The following SIPA1L3 variants were observed in gnomAD, a reference collection of about 807,000 sequenced individuals.
SIPA1L3 encodes the protein signal-induced proliferation-associated 1-like protein 3.
SIPA1L3 carries 59 observed loss-of-function variants against 150.1 expected under a neutral mutation model. That is an observed-to-expected ratio of 0.39 (90% CI 0.32 to 0.49). The LOEUF (loss-of-function observed/expected upper bound fraction) is 0.49. SIPA1L3 is among the 20% of genes least tolerant of loss of function. The pLI is 0.86. For synonymous variants in SIPA1L3, 1,070 were observed against 1,077.6 expected, an observed-to-expected ratio of 0.99 and a Z score of 0.14; for missense variants, 2,211 against 2,489.5, an observed-to-expected ratio of 0.89 and a Z score of 2.38.
Position 38,101,041 on chromosome 19 carries a change from T to G in SIPA1L3, c.1855-11T>G. ...TGGCCTGCCTCCACAAAGCCACTCT[T>G]GCCTCTGCAGCTCTGCCGGAAGCAC... On this transcript the variant is annotated splice_polypyrimidine_tract_variant and intron_variant, in intron 5 of 21. Transcript: ENST00000222345. 6.5e-7 allele frequency: 1 copy of G among 1,535,794 alleles called. No individual in the cohort carries two copies. Among genetic ancestry groups the G allele is most frequent in the Non-Finnish European group, 8.8e-7 (1 of 1,139,624 alleles).
At chr19:38,151,470 C>A (rs1322741943) in intron 12 of SIPA1L3, among the ~76,000 whole-genome samples, 18 of 152,134 alleles carry the variant, frequency 1.2e-4, no homozygotes, top group Admixed American at 1.2e-3. Flanking sequence ...CTGCCACCTG[C>A]TTGGAAGTGG....
chr19:37,934,702 C>T (rs923044472), intron 1 of SIPA1L3, among the ~76,000 whole-genome samples: 9 of 148,006 alleles, frequency 6.1e-5, no homozygotes, highest in African/African-American at 2.2e-4. Context: ...AGCATCCTCC[C>T]GCAATCCTTC....
Position 37,915,170 on chromosome 19 carries a change from C to T in SIPA1L3, c.-379+7812C>T, listed in dbSNP as rs189217771. On this transcript the variant is annotated intron_variant, in intron 1 of 21. Transcript: ENST00000222345. ...CATCATTTTTGCTCTCAATGAGACA[C>T]GATAGGGATGGTTTGGTGGTGGTTT... Among the ~76,000 whole-genome samples, 6 of 152,176 alleles carry T rather than the reference C, an allele frequency of 3.9e-5. No homozygotes were observed. The East Asian group carries it at 7.7e-4, about 20-fold the overall frequency.
chr19:38,194,777 G>A lies in SIPA1L3; in HGVS notation c.4840+997G>A, dbSNP rs564092585. Among the ~76,000 whole-genome samples the A allele has an allele frequency of 1.1e-4, 17 of 152,306 alleles. No individual in the cohort carries two copies. The South Asian group carries it at 2.3e-3, about 20-fold the overall frequency. On this transcript the variant is annotated intron_variant, in intron 18 of 21. Coordinates refer to ENST00000222345, the MANE Select transcript of SIPA1L3 (RefSeq NM_015073.3). ...ATTAAAACTCCCCTGCAGGCCGGGC[G>A]CGGTGGCTCACGCCTGTAATCCCAG...
chr19:37,917,825 C>G (rs1230211502), intron 1 of SIPA1L3, among the ~76,000 whole-genome samples: 1 of 151,964 alleles, frequency 6.6e-6, no homozygotes, highest in African/African-American at 2.4e-5. Context: ...GACAACAAAG[C>G]AAGACTCCAC....
intron 2 of SIPA1L3, among the ~76,000 whole-genome samples, chr19:38,069,328 C>G (rs1269701393): frequency 1.3e-5 from 2 of 152,144 alleles, no homozygotes; most frequent in Admixed American, 6.5e-5. Flanking sequence ...CCCTTCATAC[C>G]TATAACTGCC....
chr19:38,192,069 C>A, intron 16 of SIPA1L3, 76 bp from the exon 17 acceptor site: 1 of 1,412,696 alleles, frequency 7.1e-7, no homozygotes, highest in Non-Finnish European at 9.6e-7. Context: ...GTGGCCGGCC[C>A]TCTTGAATCC....
chr19:38,071,202 TATCTATC>T (rs1969709435), intron 2 of SIPA1L3, among the ~76,000 whole-genome samples: 1 of 6,750 alleles, frequency 1.5e-4, no homozygotes, highest in African/African-American at 6.8e-4. Flanking sequence ...TATGTTGTTT[TATCTATC>T]TATCTATCTA....
chr19:38,107,979 A>C (rs1260175001), intron 7 of SIPA1L3, among the ~76,000 whole-genome samples: 2 of 151,600 alleles, frequency 1.3e-5, no homozygotes, highest in African/African-American at 2.4e-5. Context: ...TCTGTCTCAA[A>C]AGAGAAAAAA....
intron 15 of SIPA1L3, among the ~76,000 whole-genome samples, chr19:38,169,793 CAGAG>C (rs1972286899): frequency 1.3e-5 from 2 of 152,196 alleles, no homozygotes; most frequent in South Asian, 4.1e-4. Flanking sequence ...CATTCCCAGA[CAGAG>C]ACAGCCCAGA....
chr19:38,106,490 AC>A (rs1426596542), intron 6 of SIPA1L3, 46 bp from the exon 7 acceptor site: 1 of 1,325,676 alleles, frequency 7.5e-7, no homozygotes, highest in Non-Finnish European at 1.1e-6. Flanking sequence ...TATGGCAAAA[AC>A]CCAGAGGTTT....
In SIPA1L3 at chr19:38,165,028, T is replaced by G. The variant is rs1396700710; in HGVS notation, c.4208+122T>G. 1.2e-5 allele frequency: 12 copies of G among 961,498 alleles called. No individual in the cohort carries two copies. In the East Asian group the frequency reaches 3.2e-4, roughly 26 times the overall value. 59.6% of individuals were successfully genotyped at this position (961,498 alleles called of 1,614,324 possible). A position where few individuals can be genotyped will look rare whatever the true frequency, so the allele number is the denominator to read the frequency against. Reference sequence around the variant, plus strand: ...ACTCACGGATGAATGCGCCTAGTCATTGGTTTGCTGACAGAATTGAGGAGC... The same window carrying G: ...ACTCACGGATGAATGCGCCTAGTCAGTGGTTTGCTGACAGAATTGAGGAGC... On this transcript the variant is annotated intron_variant, in intron 15 of 21. Coordinates refer to ENST00000222345, the MANE Select transcript of SIPA1L3 (RefSeq NM_015073.3).
In SIPA1L3 at chr19:38,081,893, G is replaced by A. The variant is rs140982665; in HGVS notation, c.328G>A (p.Ala110Thr). 6.3e-5 allele frequency: 101 copies of A among 1,614,016 alleles called. No homozygotes were observed. Among genetic ancestry groups the A allele is most frequent in the Non-Finnish European group, 8.2e-5 (97 of 1,180,006 alleles). The stretch of plus-strand genomic sequence containing the variant: ...CTCCCAGGACACAGATGGCACAAAG[G>A]CCACCAAGATGGCCCATTCCATGAG... ...SPSQDTDGTK[A>T]TKMAHSMRSI... The change falls in exon 3 of 22, where the codon GCC becomes ACC. Residue 110 changes from alanine to threonine, a missense_variant. Transcript: ENST00000222345.
At chr19:37,926,763 T>C (rs1942223226) in intron 1 of SIPA1L3, among the ~76,000 whole-genome samples, 1 of 152,128 alleles carries the variant, frequency 6.6e-6, no homozygotes, top group South Asian at 2.1e-4. Context: ...AGTCGGGAAG[T>C]TGTGTCAGTT....
intron 16 of SIPA1L3, among the ~76,000 whole-genome samples, chr19:38,188,016 T>C (rs894218410): frequency 5.9e-5 from 9 of 152,030 alleles, no homozygotes; most frequent in African/African-American, 2.2e-4. Context: ...AAATTGCATA[T>C]ATAAAATATT....
chr19:37,917,087 C>T (rs2046420283), intron 1 of SIPA1L3, among the ~76,000 whole-genome samples: 1 of 152,076 alleles, frequency 6.6e-6, no homozygotes, highest in Non-Finnish European at 1.5e-5. Flanking sequence ...TCATCTAAAA[C>T]ATCATTTCAA....
chr19:38,157,441 T>G (rs1304148889), intron 13 of SIPA1L3, among the ~76,000 whole-genome samples: 1 of 152,074 alleles, frequency 6.6e-6, no homozygotes, highest in African/African-American at 2.4e-5. Context: ...AGCAGCGTAA[T>G]CAGGATATGA....
chr19:38,053,559 A>C (rs953080292), intron 2 of SIPA1L3, among the ~76,000 whole-genome samples: 9 of 151,164 alleles, frequency 6.0e-5, no homozygotes, highest in African/African-American at 2.2e-4. Context: ...TGAAGGAGGT[A>C]CTTTTTTTTT....
Position 38,141,187 on chromosome 19 carries a change from T to G in SIPA1L3, c.3147T>G (p.Gly1049=). The change falls in exon 11 of 22, where the codon GGT becomes GGG. Residue 1049 remains glycine, a synonymous_variant. Transcript: ENST00000222345. ...PPFEDGTPRR[G]WPETYDMNTS... is the part of the protein sequence containing the mutation. ...GTAATGCAGTTTTTCTCCCCAGGGG[T>G]TGGCCGGAGACCTACGACATGAATA... 1.3e-6 allele frequency: 2 copies of G among 1,581,844 alleles called. No homozygotes were observed. Among genetic ancestry groups the G allele is most frequent in the South Asian group, 1.2e-5 (1 of 86,220 alleles).
Sources: gnomAD v4.1 joint callset for allele counts (sites outside exome capture counted in the v4.1 genomes callset) on GRCh38, gnomAD v4.1.1 for gene constraint, MANE v1.5 for transcripts, NCBI Gene and HGNC (gene_info 2026-07-23, HGNC 2026-07-21) for gene names.